The following CALD1 variants were observed in gnomAD, a reference collection of about 807,000 sequenced individuals.
CALD1 encodes caldesmon.
A neutral mutation model predicts 99.9 loss-of-function variants in CALD1; 33 were observed. That is an observed-to-expected ratio of 0.33 (90% CI 0.25 to 0.44). The LOEUF (loss-of-function observed/expected upper bound fraction) is 0.44. CALD1 is among the 20% of genes least tolerant of loss of function. CALD1 has a pLI of 1.00. For synonymous variants in CALD1, 310 were observed against 325.0 expected (o/e 0.95, Z 0.50); for missense variants, 861 against 962.1 (o/e 0.89, Z 1.39).
In CALD1 at chr7:134,968,480, C is replaced by G; in HGVS notation, c.*135C>G. 1 of 765,562 alleles carries G rather than the reference C, an allele frequency of 1.3e-6. No individual in the cohort carries two copies. The highest frequency in any genetic ancestry group is 2.3e-6 in the Non-Finnish European group (1 of 427,824). The allele number at this position is 765,562 out of a possible 1,614,324, so 47.4% of individuals were successfully genotyped here. On this transcript the variant is annotated 3_prime_UTR_variant, in exon 15 of 15. Coordinates refer to ENST00000361675, the MANE Select transcript of CALD1 (RefSeq NM_033138.4). ...TTTTATTTTTCAATATCCCAGTAAACCCATGTATATTATCACTATATTTAA... is the reference window on the plus strand; with the variant it reads ...TTTTATTTTTCAATATCCCAGTAAAGCCATGTATATTATCACTATATTTAA...
intron 8 of CALD1, 180 bp downstream of exon 8, chr7:134,947,949 G>T (rs778986020): frequency 5.9e-6 from 4 of 679,150 alleles, no homozygotes; most frequent in Non-Finnish European, 7.3e-6. Context: ...CTAAGAACTC[G>T]CTGACCTAGG....
intron 1 of CALD1, among the ~76,000 whole-genome samples, chr7:134,754,398 A>G (rs1223194236): frequency 6.6e-6 from 1 of 152,128 alleles, no homozygotes; most frequent in African/African-American, 2.4e-5. Flanking sequence ...TTTTAATACC[A>G]CCCTTGTCTC....
intron 1 of CALD1, among the ~76,000 whole-genome samples, chr7:134,830,582 G>A (rs919139657): frequency 4.6e-5 from 7 of 151,520 alleles, no homozygotes; most frequent in African/African-American, 1.7e-4. Flanking sequence ...CCTCCAATAG[G>A]CCCCAGTGTG....
At chr7:134,755,591 AT>A (rs1269592380) in intron 1 of CALD1, among the ~76,000 whole-genome samples, 4 of 152,174 alleles carry the variant, frequency 2.6e-5, no homozygotes, top group Non-Finnish European at 5.9e-5. Context: ...CACAATTCAC[AT>A]TGTAGTCTAC....
chr7:134,904,356 G>C (rs1803216379), intron 3 of CALD1, among the ~76,000 whole-genome samples: 1 of 152,028 alleles, frequency 6.6e-6, no homozygotes, highest in Admixed American at 6.5e-5. Context: ...CGAGGTGGGA[G>C]GATTGCTTGA....
At chr7:134,767,010 C>T (rs993698678) in intron 1 of CALD1, among the ~76,000 whole-genome samples, 2 of 152,104 alleles carry the variant, frequency 1.3e-5, no homozygotes, top group Non-Finnish European at 2.9e-5. Flanking sequence ...GGTATTTTCA[C>T]CCCAACCCTT....
chr7:134,711,542 T>C, the CALD1 span, among the ~76,000 whole-genome samples: 1 of 151,950 alleles, frequency 6.6e-6, no homozygotes, highest in African/African-American at 2.4e-5. Flanking sequence ...TCTTCCCTGG[T>C]CTCCAGCCTG....
intron 3 of CALD1, among the ~76,000 whole-genome samples, chr7:134,927,267 T>C (rs4732069): frequency 0.4 from 60,773 of 151,982 alleles, 13,579 homozygotes; most frequent in East Asian, 0.87. Flanking sequence ...ATATCTAGCA[T>C]AGTGATATTG....
chr7:134,735,116 G>A, the CALD1 span: 508 of 163,404 alleles, frequency 3.1e-3, 5 homozygotes, highest in African/African-American at 0.012. Flanking sequence ...TGAAGGTGGC[G>A]CTGTTCTCTG....
intron 1 of CALD1, among the ~76,000 whole-genome samples, chr7:134,809,912 G>A (rs565427133): frequency 2.0e-5 from 3 of 152,132 alleles, no homozygotes; most frequent in Non-Finnish European, 4.4e-5. Flanking sequence ...TGGGACATGG[G>A]AGCCAAATTC....
chr7:134,813,763 T>C (rs1278435142), intron 1 of CALD1, among the ~76,000 whole-genome samples: 5 of 152,178 alleles, frequency 3.3e-5, no homozygotes, highest in African/African-American at 1.2e-4. Flanking sequence ...TTGACATTAC[T>C]GGTAACAAAT....
At chr7:134,881,367 C>T (rs1021804884) in intron 3 of CALD1, among the ~76,000 whole-genome samples, 3 of 152,086 alleles carry the variant, frequency 2.0e-5, no homozygotes, top group Non-Finnish European at 4.4e-5. Flanking sequence ...GCTAAATGTC[C>T]TCTAACTCCT....
chr7:134,711,668 A>C, the CALD1 span, among the ~76,000 whole-genome samples: 2,289 of 71,200 alleles, frequency 0.032, 77 homozygotes, highest in African/African-American at 0.08. Context: ...CTCTATATAT[A>C]TATATATATA....
chr7:134,804,533 G>T (rs1798063824), intron 1 of CALD1, among the ~76,000 whole-genome samples: 1 of 152,232 alleles, frequency 6.6e-6, no homozygotes, highest in South Asian at 2.1e-4. Flanking sequence ...TCCTAGGACT[G>T]AAAGGAATTT....
At chr7:134,721,435 C>T in the CALD1 span, among the ~76,000 whole-genome samples, 1 of 151,684 alleles carries the variant, frequency 6.6e-6, no homozygotes. Flanking sequence ...TTTGTTTCAG[C>T]CTTTGTGGAT....
In CALD1 at chr7:134,856,686, CTCCTCTTCCTG is replaced by C. The variant is rs1800317363; in HGVS notation, c.-41-11006_-41-10996del. 2.1e-5 allele frequency among the ~76,000 whole-genome samples: 3 copies of C among 140,674 alleles called. No individual in the cohort carries two copies. In the South Asian group the frequency reaches 6.8e-4, roughly 32 times the overall value. 92.3% of individuals were successfully genotyped at this position (140,674 alleles called of 152,430 possible). A position where few individuals can be genotyped will look rare whatever the true frequency, so the allele number is the denominator to read the frequency against. ...TATTCCCTCAGTTAAATGCCTAATA[CTCCTCTTCCTG>C]AAATCGAAATGTCTCTCTAAGACCA... On this transcript the variant is annotated intron_variant, in intron 2 of 14. Transcript: ENST00000361675.
intron 1 of CALD1, among the ~76,000 whole-genome samples, chr7:134,787,349 G>C (rs1237942561): frequency 6.6e-6 from 1 of 152,062 alleles, no homozygotes; most frequent in African/African-American, 2.4e-5. Flanking sequence ...CATTACTAAG[G>C]GAAATTTAGG....
At chr7:134,884,418 A>C (rs1801754461) in intron 3 of CALD1, among the ~76,000 whole-genome samples, 1 of 152,156 alleles carries the variant, frequency 6.6e-6, no homozygotes, top group Admixed American at 6.5e-5. Flanking sequence ...TTGACTACGC[A>C]GCTTCCTAAC....
intron 5 of CALD1, among the ~76,000 whole-genome samples, chr7:134,934,488 A>C (rs1343582939): frequency 1.3e-5 from 2 of 151,966 alleles, no homozygotes; most frequent in Admixed American, 6.6e-5. Context: ...GAGGCCCATA[A>C]CTCCTTACCT....
Sources: gnomAD v4.1 joint callset for allele counts (sites outside exome capture counted in the v4.1 genomes callset) on GRCh38, gnomAD v4.1.1 for gene constraint, MANE v1.5 for transcripts, NCBI Gene and HGNC (gene_info 2026-07-23, HGNC 2026-07-21) for gene names.